Variants in STK39 observed in about 807,000 individuals in gnomAD.
STK39 encodes the protein STE20/SPS1-related proline-alanine-rich protein kinase.
STK39 carries 20 observed loss-of-function variants against 77.8 expected under a neutral mutation model. The observed-to-expected ratio is 0.26, with a 90% CI of 0.18 to 0.37. STK39 has a LOEUF of 0.37. Ranked by LOEUF, STK39 falls within the 10% of genes least tolerant of loss-of-function variation. The pLI, the probability that STK39 is intolerant of heterozygous loss-of-function variation, is 1.00. For missense variants in STK39, 479 were observed against 656.5 expected, an observed-to-expected ratio of 0.73 and a Z score of 2.95; for synonymous variants, 246 against 234.1, an observed-to-expected ratio of 1.05 and a Z score of -0.47.
intron 4 of STK39, 42 bp downstream of exon 4, chr2:168,163,697 G>T (rs1428797599): frequency 3.1e-6 from 5 of 1,612,648 alleles, no homozygotes; most frequent in Non-Finnish European, 4.2e-6. Flanking sequence ...ACCTCTTTAA[G>T]ATATGAACAT....
intron 1 of STK39, among the ~76,000 whole-genome samples, chr2:168,220,599 T>C (rs1389355214): frequency 6.6e-6 from 1 of 152,182 alleles, no homozygotes; most frequent in Non-Finnish European, 1.5e-5. Context: ...ATGACATGTA[T>C]AGTCAACGCC....
At chr2:168,225,532 T>C (rs914010462) in intron 1 of STK39, among the ~76,000 whole-genome samples, 5 of 152,180 alleles carry the variant, frequency 3.3e-5, no homozygotes, top group African/African-American at 9.7e-5. Context: ...TCGGGTATCA[T>C]TATTTCAGAA....
chr2:168,117,965 C>T (rs1033433285), intron 10 of STK39, among the ~76,000 whole-genome samples: 3 of 152,194 alleles, frequency 2.0e-5, no homozygotes, highest in African/African-American at 7.2e-5. Context: ...AGGGCATTTA[C>T]TGACAATATT....
intron 14 of STK39, among the ~76,000 whole-genome samples, chr2:168,025,907 C>T (rs191957025): frequency 2.4e-4 from 36 of 152,310 alleles, no homozygotes; most frequent in African/African-American, 7.2e-4. Flanking sequence ...GAAGACTGGT[C>T]AGCTGAGCCC....
In STK39 at chr2:168,089,806, C is replaced by T. The variant is rs147493893; in HGVS notation, c.1090-14575G>A. Among the ~76,000 whole-genome samples the T allele has an allele frequency of 3.6e-3, 546 of 152,234 alleles. 1 individual carries two copies. The highest frequency in any genetic ancestry group is 0.012 in the African/African-American group (505 of 41,538). ...CTTTGTATTTTTAGCAGAGATGGGG[C>T]TTCTCCATGTTGGTCAGGCTGGTCT... On this transcript the variant is annotated intron_variant, in intron 10 of 17. Coordinates refer to ENST00000355999, the MANE Select transcript of STK39 (RefSeq NM_013233.3).
chr2:168,130,498 G>A (rs1302474621), intron 8 of STK39, among the ~76,000 whole-genome samples: 1 of 152,160 alleles, frequency 6.6e-6, no homozygotes, highest in African/African-American at 2.4e-5. Context: ...GGCAGGTCCT[G>A]TTAGGTCATT....
At chr2:168,095,756 A>G (rs1349420355) in intron 10 of STK39, among the ~76,000 whole-genome samples, 3 of 151,010 alleles carry the variant, frequency 2.0e-5, no homozygotes, top group Non-Finnish European at 2.9e-5. Context: ...CCTCCCGGGT[A>G]GCTGGGACTA....
At chr2:168,164,653 C>T (rs1014321255) in intron 3 of STK39, among the ~76,000 whole-genome samples, 2 of 147,368 alleles carry the variant, frequency 1.4e-5, no homozygotes, top group Admixed American at 6.6e-5. Flanking sequence ...GTGATCTGCC[C>T]ACCTTTGGCC....
At chr2:168,040,056 T>C (rs553291512) in intron 14 of STK39, among the ~76,000 whole-genome samples, 4 of 152,212 alleles carry the variant, frequency 2.6e-5, no homozygotes, top group Admixed American at 2.0e-4. Context: ...TGGTCCTCAA[T>C]CATCCTGTAC....
intron 17 of STK39, among the ~76,000 whole-genome samples, chr2:167,962,009 C>T (rs1036887732): frequency 2.6e-5 from 4 of 152,178 alleles, no homozygotes; most frequent in Non-Finnish European, 5.9e-5. Flanking sequence ...CGCACCCCTG[C>T]GGCCCTAGGC....
intron 16 of STK39, among the ~76,000 whole-genome samples, chr2:168,000,003 C>G (rs576341232): frequency 3.4e-4 from 52 of 152,292 alleles, no homozygotes; most frequent in African/African-American, 1.3e-3. Context: ...GGGCAGGGAG[C>G]TAGTGAGACC....
chr2:168,011,224 G>A (rs980073020), intron 16 of STK39, among the ~76,000 whole-genome samples: 5 of 152,004 alleles, frequency 3.3e-5, no homozygotes, highest in Admixed American at 3.3e-4. Context: ...GCTTGGACAC[G>A]GGAGGCGGAG....
In STK39 at chr2:168,098,027, C is replaced by T. The variant is rs564147486; in HGVS notation, c.1090-22796G>A. Among the ~76,000 whole-genome samples, 53 of 152,306 alleles carry T rather than the reference C, an allele frequency of 3.5e-4. No individual in the cohort carries two copies. The South Asian group carries it at 0.011, about 32-fold the overall frequency. ...GCCTCATAGCAAACGAACACTAACC[C>T]TTTCTTAGAAATCATATGGGGTAAG... On this transcript the variant is annotated intron_variant, in intron 10 of 17. Coordinates refer to ENST00000355999, the MANE Select transcript of STK39 (RefSeq NM_013233.3).
intron 10 of STK39, chr2:168,113,186 A>C (rs1170910023): frequency 2.6e-5 from 4 of 152,226 alleles, no homozygotes; most frequent in Non-Finnish European, 5.9e-5. Context: ...CTCCTCCACA[A>C]GCTAGAATGT....
At chr2:168,175,066 C>G (rs918605306) in intron 2 of STK39, among the ~76,000 whole-genome samples, 1 of 152,124 alleles carries the variant, frequency 6.6e-6, no homozygotes, top group African/African-American at 2.4e-5. Context: ...GGGAACAACC[C>G]TCCTGCAGCC....
intron 10 of STK39, among the ~76,000 whole-genome samples, chr2:168,094,306 C>T (rs1458732076): frequency 6.6e-6 from 1 of 152,162 alleles, no homozygotes; most frequent in Non-Finnish European, 1.5e-5. Flanking sequence ...GATATATGAA[C>T]AATAAATGTG....
intron 16 of STK39, among the ~76,000 whole-genome samples, chr2:167,994,079 C>T (rs111803465): frequency 1.3e-5 from 2 of 152,172 alleles, no homozygotes; most frequent in Non-Finnish European, 2.9e-5. Context: ...TTATACCAAC[C>T]AGTGAACAGT....
chr2:168,232,712 ACCAGCCTGGCCAACATGGTGAAAT>A (rs1180709405), intron 1 of STK39, among the ~76,000 whole-genome samples: 1 of 152,142 alleles, frequency 6.6e-6, no homozygotes, highest in Admixed American at 6.6e-5. Context: ...GGAGTTTCAG[ACCAGCCTGGCCAACATGGTGAAAT>A]CCCGTCTCTA....
At chr2:168,007,634 T>C (rs1402077964) in intron 16 of STK39, among the ~76,000 whole-genome samples, 3 of 152,060 alleles carry the variant, frequency 2.0e-5, no homozygotes, top group South Asian at 2.1e-4. Flanking sequence ...CTCAAGACCA[T>C]TTTGTGAGGT....
Sources: allele counts gnomAD v4.1 joint callset (sites outside exome capture counted in the v4.1 genomes callset), GRCh38; gene constraint gnomAD v4.1.1; transcripts MANE v1.5; gene names NCBI Gene and HGNC (gene_info 2026-07-23, HGNC 2026-07-21).